The following MORF4L1 variants were observed in gnomAD, a reference collection of about 807,000 sequenced individuals.
MORF4L1 encodes mortality factor 4-like protein 1.
A neutral mutation model predicts 52.9 loss-of-function variants in MORF4L1; 4 were observed. That is an observed-to-expected ratio of 0.08 (90% confidence interval 0.04 to 0.17). MORF4L1 has a LOEUF of 0.17. Among genes scored for constraint, MORF4L1 ranks in the 10% least tolerant of loss-of-function variants. The probability of loss-of-function intolerance (pLI) is 1.00; values close to 1 mark genes in which losing one functional copy is unlikely to be tolerated. For synonymous variants in MORF4L1, 123 were observed against 134.8 expected (o/e 0.91, Z 0.61); for missense variants, 214 against 390.4 (o/e 0.55, Z 3.81).
intron 2 of MORF4L1, 21 bp from the exon 3 acceptor site, chr15:78,880,491 T>A (rs914781807): frequency 6.5e-7 from 1 of 1,548,998 alleles, no homozygotes; most frequent in Non-Finnish European, 8.8e-7. Context: ...AGTGAATTAT[T>A]ATTTTTTTTT....
chr15:78,881,786 T>C (rs2141465019), intron 3 of MORF4L1, among the ~76,000 whole-genome samples: 1 of 152,346 alleles, frequency 6.6e-6, no homozygotes. Flanking sequence ...TTTAGTATTG[T>C]TCTTGTGGAA....
intron 5 of MORF4L1, among the ~76,000 whole-genome samples, chr15:78,888,776 T>G (rs2056749809): frequency 6.7e-6 from 1 of 150,358 alleles, no homozygotes; most frequent in Non-Finnish European, 1.5e-5. Flanking sequence ...TTTGGAGATG[T>G]TTGAAGCTTT....
intron 2 of MORF4L1, among the ~76,000 whole-genome samples, chr15:78,878,591 A>G (rs1454441928): frequency 6.7e-6 from 1 of 148,812 alleles, no homozygotes; most frequent in East Asian, 2.1e-4. Flanking sequence ...TACTTTTAAA[A>G]GTAATATATG....
chr15:78,883,804 A>AG (rs1212307994), intron 3 of MORF4L1, among the ~76,000 whole-genome samples: 1 of 152,196 alleles, frequency 6.6e-6, no homozygotes, highest in Non-Finnish European at 1.5e-5. Flanking sequence ...TCATTTTGAA[A>AG]GGGGGAGGAG....
Position 78,878,269 on chromosome 15 carries a change from T to G in MORF4L1, c.87+10T>G, listed in dbSNP as rs760708630. On this transcript the variant is annotated intron_variant, in intron 2 of 11. Transcript: ENST00000426013. Reference sequence around the variant, plus strand: ...TCTTTATGAAGCAAAGGTATGAAACTTGTTTTCTTTTGAGAAGTTGGCCAA... The same window carrying G: ...TCTTTATGAAGCAAAGGTATGAAACGTGTTTTCTTTTGAGAAGTTGGCCAA... 1 of 1,609,822 alleles carries G rather than the reference T, an allele frequency of 6.2e-7. No homozygotes were observed. The highest frequency in any genetic ancestry group is 1.7e-5 in the Admixed American group (1 of 59,632).
At chr15:78,893,930 C>G in intron 9 of MORF4L1, 128 bp from the exon 10 acceptor site, 1 of 902,132 alleles carries the variant, frequency 1.1e-6, no homozygotes, top group South Asian at 1.8e-5. Flanking sequence ...TTCATATGCC[C>G]TTTAAAAAAA....
chr15:78,891,685 G>A (rs1321092950), intron 7 of MORF4L1, 113 bp downstream of exon 7: 1 of 802,414 alleles, frequency 1.2e-6, no homozygotes, highest in Non-Finnish European at 1.9e-6. Flanking sequence ...GTTAATACCT[G>A]AAATTAAAAA....
intron 9 of MORF4L1, among the ~76,000 whole-genome samples, 162 bp downstream of exon 9, chr15:78,893,789 T>G (rs1229366370): frequency 2.0e-5 from 3 of 152,244 alleles, no homozygotes; most frequent in African/African-American, 7.2e-5. Flanking sequence ...TGACTTTTTC[T>G]TAAAGGGCCA....
chr15:78,890,968 C>T, intron 5 of MORF4L1, 21 bp from the exon 6 acceptor site: 2 of 1,434,968 alleles, frequency 1.4e-6, no homozygotes, highest in Non-Finnish European at 1.9e-6. Flanking sequence ...AATTATTTTT[C>T]TTTTTTTTCT....
Position 78,890,981 on chromosome 15 carries a change from C to T in MORF4L1, c.324-8C>T, listed in dbSNP as rs1464203931. 28 of 1,450,876 alleles carry T rather than the reference C, an allele frequency of 1.9e-5. No homozygotes were observed. Among genetic ancestry groups the T allele is most frequent in the Admixed American group, 7.2e-5 (3 of 41,564 alleles). The allele number at this position is 1,450,876 out of a possible 1,614,324, so 89.9% of individuals were successfully genotyped here. Reference sequence around the variant, plus strand: ...ATAATTATTTTTCTTTTTTTTCTCTCCTTTTAGGAAAACGAAAAAGAACAA... The same window carrying T: ...ATAATTATTTTTCTTTTTTTTCTCTTCTTTTAGGAAAACGAAAAAGAACAA... On this transcript the variant is annotated splice_region_variant and splice_polypyrimidine_tract_variant and intron_variant, in intron 5 of 11. Coordinates refer to ENST00000426013, the MANE Select transcript of MORF4L1 (RefSeq NM_006791.4).
rs201619065 is a variant in MORF4L1, at chr15:78,897,241, C to G, written c.*174C>G. The G allele has an allele frequency of 4.4e-6, 2 of 453,710 alleles. No homozygotes were observed. Among genetic ancestry groups the G allele is most frequent in the Non-Finnish European group, 7.9e-6 (2 of 251,906 alleles). 28.1% of individuals were successfully genotyped at this position (453,710 alleles called of 1,614,324 possible). A position where few individuals can be genotyped will look rare whatever the true frequency, so the allele number is the denominator to read the frequency against. On this transcript the variant is annotated 3_prime_UTR_variant, in exon 12 of 12. Transcript: ENST00000426013. ...AGGGGGTAATAGCTCCTTTTTTCTT[C>G]TTTCTTTTTTTTTTTCATTTCAAAA...
chr15:78,877,259 T>TA (rs1214464511), intron 1 of MORF4L1, among the ~76,000 whole-genome samples: 7 of 151,960 alleles, frequency 4.6e-5, no homozygotes, highest in African/African-American at 1.7e-4. Context: ...TAGCTGGGAT[T>TA]ACAGGCACAC....
chr15:78,873,502 C>T (rs569253549), intron 1 of MORF4L1, among the ~76,000 whole-genome samples: 1 of 152,068 alleles, frequency 6.6e-6, no homozygotes, highest in Non-Finnish European at 1.5e-5. Context: ...TCGGTGCTTC[C>T]TGGAGCCCCG....
intron 11 of MORF4L1, among the ~76,000 whole-genome samples, chr15:78,896,615 A>ATT (rs59867680): frequency 6.7e-6 from 1 of 149,420 alleles, no homozygotes; most frequent in African/African-American, 2.5e-5. Flanking sequence ...GCTGATAACG[A>ATT]TTTTTTTTTT....
Position 78,897,979 on chromosome 15 carries a change from T to TA in MORF4L1, c.*913dup, listed in dbSNP as rs1286051389. On this transcript the variant is annotated 3_prime_UTR_variant, in exon 12 of 12. Transcript: ENST00000426013. ...TTTTTATTTTCCCTAAATTATTACTTACTCTGAGCATTAATTAAGGGCATT... is the reference window on the plus strand; with the variant it reads ...TTTTTATTTTCCCTAAATTATTACTTAACTCTGAGCATTAATTAAGGGCATT... 6.6e-6 allele frequency: 1 copy of TA among 152,190 alleles called. No homozygotes were observed. Among genetic ancestry groups the TA allele is most frequent in the Admixed American group, 6.5e-5 (1 of 15,284 alleles). The allele number at this position is 152,190 out of a possible 1,614,324, so 9.4% of individuals were successfully genotyped here.
At chr15:78,886,476 C>T (rs2056705399) in intron 4 of MORF4L1, 2 of 489,742 alleles carry the variant, frequency 4.1e-6, no homozygotes, top group East Asian at 3.4e-5. Context: ...TTGGAAATTG[C>T]TATAGGTATG....
chr15:78,878,035 C>T (rs1016017387), intron 1 of MORF4L1, 178 bp from the exon 2 acceptor site: 5 of 479,026 alleles, frequency 1.0e-5, no homozygotes, highest in African/African-American at 2.0e-5. Context: ...CGGATACCAA[C>T]GTGTTTTTGT....
chr15:78,892,503 A>C, intron 8 of MORF4L1, 190 bp downstream of exon 8: 1 of 467,922 alleles, frequency 2.1e-6, no homozygotes, highest in Non-Finnish European at 3.8e-6. Flanking sequence ...AAAAGTTCAC[A>C]TATAAATTTT....
At chr15:78,887,201 C>T in intron 4 of MORF4L1, 68 bp from the exon 5 acceptor site, 1 of 1,335,422 alleles carries the variant, frequency 7.5e-7, no homozygotes, top group Non-Finnish European at 1.0e-6. Context: ...CTAATGGAAT[C>T]AGGCTGACAA....
Sources: allele counts gnomAD v4.1 joint callset (sites outside exome capture counted in the v4.1 genomes callset), GRCh38; gene constraint gnomAD v4.1.1; transcripts MANE v1.5; gene names NCBI Gene and HGNC (gene_info 2026-07-23, HGNC 2026-07-21).